Variants in THRB observed in about 807,000 individuals in gnomAD.
The protein encoded by THRB is thyroid hormone receptor beta.
In THRB, 12 loss-of-function variants were observed where a neutral mutation model predicts 47.8. The ratio of observed to expected loss-of-function variants is 0.25; its 90% CI spans 0.16 to 0.41. THRB has a LOEUF of 0.41. Among genes scored for constraint, THRB ranks in the 10% least tolerant of loss-of-function variants. THRB has a pLI of 1.00. For missense variants in THRB, 348 were observed against 589.2 expected (o/e 0.59, Z 4.24); for synonymous variants, 218 against 212.2 (o/e 1.03, Z -0.24).
chr3:24,457,740 A>G (rs1054914143), intron 1 of THRB, among the ~76,000 whole-genome samples: 1 of 152,190 alleles, frequency 6.6e-6, no homozygotes, highest in Non-Finnish European at 1.5e-5. Context: ...TAATCCATTT[A>G]AGCAGCAGAT....
rs537047346 is a variant in THRB, at chr3:24,207,398, A to G, written c.23-17064T>C. 3.3e-5 allele frequency among the ~76,000 whole-genome samples: 5 copies of G among 152,342 alleles called. No homozygotes were observed. The East Asian group carries it at 9.6e-4, about 29-fold the overall frequency. On this transcript the variant is annotated intron_variant, in intron 4 of 10. Coordinates refer to ENST00000646209, the MANE Select transcript of THRB (RefSeq NM_001354712.2). ...AAACAGAACCAATGACAAAAACCAC[A>G]TGATTATCTCAATAGATGCAGAAAA...
chr3:24,175,536 G>A (rs1442125491), intron 5 of THRB, among the ~76,000 whole-genome samples: 1 of 152,160 alleles, frequency 6.6e-6, no homozygotes, highest in African/African-American at 2.4e-5. Context: ...TCGTAAGGCT[G>A]GAGATTGAAA....
chr3:24,307,466 T>C (rs1269197745), intron 2 of THRB, among the ~76,000 whole-genome samples: 2 of 152,120 alleles, frequency 1.3e-5, no homozygotes, highest in Non-Finnish European at 2.9e-5. Flanking sequence ...CGAACCATTT[T>C]CCCACGCTAT....
chr3:24,391,878 A>T (rs1483791566), intron 1 of THRB, among the ~76,000 whole-genome samples: 1 of 152,144 alleles, frequency 6.6e-6, no homozygotes, highest in Non-Finnish European at 1.5e-5. Context: ...CGTAGCGGTA[A>T]TGGGAATTAT....
intron 2 of THRB, among the ~76,000 whole-genome samples, chr3:24,321,533 T>C (rs1254012374): frequency 6.6e-6 from 1 of 152,172 alleles, no homozygotes; most frequent in Non-Finnish European, 1.5e-5. Context: ...GATGAAATTA[T>C]GGCAGTTTGG....
intron 3 of THRB, among the ~76,000 whole-genome samples, chr3:24,261,229 G>A (rs893338549): frequency 1.3e-5 from 2 of 152,094 alleles, no homozygotes; most frequent in African/African-American, 4.8e-5. Context: ...TCGGCCAGGC[G>A]CAGTGGCTCA....
chr3:24,263,618 C>CTT (rs3034414), intron 3 of THRB, among the ~76,000 whole-genome samples: 2,023 of 136,912 alleles, frequency 0.015, 51 homozygotes, highest in African/African-American at 0.05. Flanking sequence ...GGTTACAGGC[C>CTT]TTTTTTTTTT....
chr3:24,453,027 A>T (rs959753198), intron 1 of THRB, among the ~76,000 whole-genome samples: 2 of 152,058 alleles, frequency 1.3e-5, no homozygotes, highest in African/African-American at 4.8e-5. Flanking sequence ...AAGATTCTTG[A>T]CCTTCCTCTC....
intron 1 of THRB, among the ~76,000 whole-genome samples, chr3:24,356,750 C>T (rs1469868067): frequency 6.6e-6 from 1 of 152,120 alleles, no homozygotes; most frequent in African/African-American, 2.4e-5. Context: ...CCAAGTCAGA[C>T]ATGATGGTGA....
rs57028167 is a variant in THRB at position 24,336,835 on chromosome 3, C to T, written c.-189+465G>A. On this transcript the variant is annotated intron_variant, in intron 2 of 10. Coordinates refer to ENST00000646209, the MANE Select transcript of THRB (RefSeq NM_001354712.2). ...CTCCTGGGTTCACACCATTCTCCTG[C>T]CTCAGCCTCCTGAGTAGCTGGGACT... 5.3e-3 allele frequency among the ~76,000 whole-genome samples: 805 copies of T among 151,918 alleles called. 8 individuals are homozygous for T. The highest frequency in any genetic ancestry group is 0.018 in the African/African-American group (758 of 41,388).
chr3:24,141,591 T>C (rs1559437101), intron 8 of THRB, among the ~76,000 whole-genome samples: 1 of 152,238 alleles, frequency 6.6e-6, no homozygotes, highest in Non-Finnish European at 1.5e-5. Flanking sequence ...TTCTGGCACA[T>C]AGTATCCACT....
chr3:24,384,398 A>C (rs2065932066), intron 1 of THRB, among the ~76,000 whole-genome samples: 1 of 152,152 alleles, frequency 6.6e-6, no homozygotes, highest in Non-Finnish European at 1.5e-5. Context: ...TCTGGAGACG[A>C]AGATGAGCCA....
At chr3:24,203,756 G>C (rs991149594) in intron 4 of THRB, among the ~76,000 whole-genome samples, 6 of 152,204 alleles carry the variant, frequency 3.9e-5, no homozygotes, top group African/African-American at 1.2e-4. Flanking sequence ...CCGTTTCTTA[G>C]CCAAGGGAAG....
chr3:24,120,062 T>A lies in THRB; in HGVS notation c.*2822A>T, dbSNP rs1254330796. ...TGGATTTGCAAGTCTGGACAATAGA[T>A]GAAAAAATGTTTAGAAAAATCTAGA... On this transcript the variant is annotated 3_prime_UTR_variant, in exon 11 of 11. Coordinates refer to ENST00000646209, the MANE Select transcript of THRB (RefSeq NM_001354712.2). The A allele has an allele frequency of 6.6e-6, 1 of 152,154 alleles. No individual in the cohort carries two copies. Among genetic ancestry groups the A allele is most frequent in the Non-Finnish European group, 1.5e-5 (1 of 68,018 alleles). 9.4% of individuals were successfully genotyped at this position (152,154 alleles called of 1,614,324 possible).
chr3:24,125,700 C>T (rs2032626083), intron 10 of THRB, among the ~76,000 whole-genome samples: 1 of 152,206 alleles, frequency 6.6e-6, no homozygotes, highest in Admixed American at 6.5e-5. Context: ...TCTATAGCTC[C>T]TGTCATGGGA....
intron 3 of THRB, among the ~76,000 whole-genome samples, chr3:24,268,231 A>T (rs1329132958): frequency 6.6e-6 from 1 of 152,190 alleles, no homozygotes; most frequent in Non-Finnish European, 1.5e-5. Context: ...AAACAAAAAA[A>T]CTGGAGAGTG....
At chr3:24,274,313 T>A (rs1052257412) in intron 3 of THRB, among the ~76,000 whole-genome samples, 4 of 152,204 alleles carry the variant, frequency 2.6e-5, no homozygotes, top group East Asian at 3.8e-4. Context: ...ACTGTTTATA[T>A]GGACTTAAAT....
intron 1 of THRB, among the ~76,000 whole-genome samples, chr3:24,401,812 A>G (rs1216206691): frequency 1.3e-5 from 2 of 151,992 alleles, no homozygotes; most frequent in Non-Finnish European, 2.9e-5. Context: ...TCAGACCTAC[A>G]GAATAAGACG....
At chr3:24,165,310 G>C in intron 5 of THRB, 1 of 764,890 alleles carries the variant, frequency 1.3e-6, no homozygotes, top group Non-Finnish European at 2.4e-6. Flanking sequence ...AATTGCTGCC[G>C]GCAGCTGGGT....
Sources: allele counts gnomAD v4.1 joint callset (sites outside exome capture counted in the v4.1 genomes callset), GRCh38; gene constraint gnomAD v4.1.1; transcripts MANE v1.5; gene names NCBI Gene and HGNC (gene_info 2026-07-23, HGNC 2026-07-21).